Variants in KIF1A observed in about 807,000 individuals in gnomAD.
KIF1A encodes kinesin-like protein KIF1A.
Under a neutral mutation model 227.3 loss-of-function variants are expected in KIF1A, and 46 were observed. That is an observed-to-expected ratio of 0.20 (90% CI 0.16 to 0.26). The LOEUF (loss-of-function observed/expected upper bound fraction) is 0.26, where lower values mean the gene tolerates loss of function less well. KIF1A is among the 10% of genes least tolerant of loss of function. The probability of loss-of-function intolerance (pLI) is 1.00; values close to 1 mark genes in which losing one functional copy is unlikely to be tolerated. For synonymous variants in KIF1A, 1,022 were observed against 1,012.8 expected, an observed-to-expected ratio of 1.01 and a Z score of -0.17; for missense variants, 1,683 against 2,485.9, an observed-to-expected ratio of 0.68 and a Z score of 6.87.
In KIF1A at chr2:240,717,354, G is replaced by A. The variant is rs763602305; in HGVS notation, c.*10C>T. 1 of 1,610,708 alleles carries A rather than the reference G, an allele frequency of 6.2e-7. No homozygotes were observed. The highest frequency in any genetic ancestry group is 1.7e-5 in the Admixed American group (1 of 60,000). ...GCTGGGCCTGCCGGCTGTCACGGGA[G>A]GGCTCAGGTTCAGACCCGCATCTGG... is the stretch of plus-strand genomic sequence containing the variant. On this transcript the variant is annotated 3_prime_UTR_variant, in exon 49 of 49. Coordinates refer to ENST00000498729, the MANE Select transcript of KIF1A (RefSeq NM_001244008.2).
chr2:240,741,423 A>C, intron 34 of KIF1A, 46 bp from the exon 35 acceptor site: 1 of 1,400,468 alleles, frequency 7.1e-7, no homozygotes, highest in Non-Finnish European at 9.6e-7. Context: ...GACCTGACCT[A>C]TCACGTGCCA....
At chr2:240,815,222 G>A (rs2058229813) in intron 1 of KIF1A, among the ~76,000 whole-genome samples, 1 of 152,154 alleles carries the variant, frequency 6.6e-6, no homozygotes, top group Admixed American at 6.5e-5. Context: ...ACCGACCCAT[G>A]ACCTTGAGCA....
rs571652052 is a variant in KIF1A at position 240,789,755 on chromosome 2, G to A, written c.107-443C>T. Among the ~76,000 whole-genome samples the A allele has an allele frequency of 1.3e-5, 2 of 152,208 alleles. No individual in the cohort carries two copies. Among genetic ancestry groups the A allele is most frequent in the African/African-American group, 2.4e-5 (1 of 41,530 alleles). On this transcript the variant is annotated intron_variant, in intron 2 of 48. Coordinates refer to ENST00000498729, the MANE Select transcript of KIF1A (RefSeq NM_001244008.2). The surrounding 1 kb of genome is among the most constrained non-coding windows in gnomAD (Gnocchi z 4.8). ...CCCGAGAAGCGCTGGAAGCCTGGGC[G>A]TCCATCACGTTTGTGTTACGCCTGT...
At chr2:240,728,309 G>T in intron 38 of KIF1A, 1 of 881,092 alleles carries the variant, frequency 1.1e-6, no homozygotes, top group South Asian at 1.4e-5. Flanking sequence ...ATAGAAGCAG[G>T]CAGACGCCGA....
In KIF1A at chr2:240,739,104, C is replaced by T. The variant is rs897519835; in HGVS notation, c.3901+954G>A. On this transcript the variant is annotated intron_variant, in intron 37 of 48. Coordinates refer to ENST00000498729, the MANE Select transcript of KIF1A (RefSeq NM_001244008.2). This position sits in a 1 kb window ranked among gnomAD's most constrained non-coding sequence, Gnocchi z 5.6. ...AACTTGTAAAACATAAGCATGTATC[C>T]TGGTGTACCTGGAACCTCCTGTCTA... Among the ~76,000 whole-genome samples, 1 of 152,190 alleles carries T rather than the reference C, an allele frequency of 6.6e-6. No individual in the cohort carries two copies. Among genetic ancestry groups the T allele is most frequent in the East Asian group, 1.9e-4 (1 of 5,200 alleles).
Position 240,723,537 on chromosome 2 carries a change from C to A in KIF1A, c.4340G>T (p.Arg1447Leu). ...GSPGMQRRRR[R>L]VLDTSVAYVR... ...ATAGGCCACAGATGTGTCCAGGACTCGTCGGCGCCGGCGCTGCATCCCTGC... is the reference window on the plus strand; with the variant it reads ...ATAGGCCACAGATGTGTCCAGGACTAGTCGGCGCCGGCGCTGCATCCCTGC... Residue 1447 changes from arginine (R) to leucine (L), a missense_variant, in exon 42 of 49, where the codon CGA becomes CTA. Arg to Leu is a moderately radical substitution (Grantham distance 102). Coordinates refer to ENST00000498729, the MANE Select transcript of KIF1A (RefSeq NM_001244008.2). 6.5e-7 allele frequency: 1 copy of A among 1,540,902 alleles called. No individual in the cohort carries two copies. The highest frequency in any genetic ancestry group is 1.4e-5 in the African/African-American group (1 of 73,112).
In KIF1A at chr2:240,723,571, C is replaced by A; in HGVS notation, c.4319-13G>T. ...CGGCGCTGCATCCCTGCATGGGGCA[C>A]GTGGACATTCCACCCCTACCTGATG... On this transcript the variant is annotated splice_polypyrimidine_tract_variant and intron_variant, in intron 41 of 48. Transcript: ENST00000498729. 1 of 1,526,806 alleles carries A rather than the reference C, an allele frequency of 6.5e-7. No individual in the cohort carries two copies. The highest frequency in any genetic ancestry group is 8.9e-7 in the Non-Finnish European group (1 of 1,129,824). 94.6% of individuals were successfully genotyped at this position (1,526,806 alleles called of 1,614,324 possible).
At chr2:240,770,856 C>A in intron 15 of KIF1A, 115 bp downstream of exon 15, 1 of 1,300,272 alleles carries the variant, frequency 7.7e-7, no homozygotes. Context: ...TGCTGATGCT[C>A]CACAATGGCC....
chr2:240,720,818 G>T (rs1173128842), intron 45 of KIF1A, 96 bp downstream of exon 45: 2 of 1,405,566 alleles, frequency 1.4e-6, no homozygotes, highest in African/African-American at 2.9e-5. Flanking sequence ...GGCCATTGGG[G>T]CCCCCTGTTC....
chr2:240,723,927 G>A (rs750761127), intron 41 of KIF1A, 48 bp downstream of exon 41: 2 of 1,515,932 alleles, frequency 1.3e-6, no homozygotes, highest in African/African-American at 1.4e-5. Flanking sequence ...GTGGGCAGAG[G>A]TTGAGCAGGC....
At position 240,806,034 on chromosome 2, in the gene KIF1A, C is replaced by T. The variant is rs569333559; in HGVS notation, c.-60-8222G>A. 1.6e-4 allele frequency among the ~76,000 whole-genome samples: 25 copies of T among 152,264 alleles called. 1 individual carries two copies. Among genetic ancestry groups the T allele is most frequent in the South Asian group, 6.2e-4 (3 of 4,816 alleles). On this transcript the variant is annotated intron_variant, in intron 1 of 48. Coordinates refer to ENST00000498729, the MANE Select transcript of KIF1A (RefSeq NM_001244008.2). ...TAACTAGCAAAGAAGACAAAATATA[C>T]GAAAATACTGGTGTTCAGACATCAG...
intron 6 of KIF1A, among the ~76,000 whole-genome samples, chr2:240,785,973 C>A (rs1439748300): frequency 2.0e-5 from 3 of 152,178 alleles, no homozygotes; most frequent in Non-Finnish European, 4.4e-5. Context: ...CCCCACATGC[C>A]CCCTGACCCC....
At chr2:240,721,141 G>C (rs1300532801) in intron 44 of KIF1A, 103 bp from the exon 45 acceptor site, 6 of 1,442,066 alleles carry the variant, frequency 4.2e-6, no homozygotes, top group Non-Finnish European at 3.8e-6. Context: ...CTGCTGCTTA[G>C]GGCACCCCAC....
Position 240,766,500 on chromosome 2 carries a change from C to T in KIF1A, c.1684+415G>A, listed in dbSNP as rs905717457. Reference sequence around the variant, plus strand: ...CCACCCTAGATCTGGGCTCAATCCTCATGGCTCACTGTCCTCCCGCCATGA... The same window carrying T: ...CCACCCTAGATCTGGGCTCAATCCTTATGGCTCACTGTCCTCCCGCCATGA... On this transcript the variant is annotated intron_variant, in intron 19 of 48. Coordinates refer to ENST00000498729, the MANE Select transcript of KIF1A (RefSeq NM_001244008.2). The surrounding 1 kb of genome is among the most constrained non-coding windows in gnomAD (Gnocchi z 5.0). 7.9e-5 allele frequency among the ~76,000 whole-genome samples: 12 copies of T among 152,246 alleles called. No individual in the cohort carries two copies. Among genetic ancestry groups the T allele is most frequent in the African/African-American group, 2.6e-4 (11 of 41,552 alleles).
chr2:240,742,849 A>T (rs1030694576), intron 34 of KIF1A, 80 bp downstream of exon 34: 1 of 1,291,658 alleles, frequency 7.7e-7, no homozygotes, highest in Non-Finnish European at 1.1e-6. Context: ...GACAGCATTC[A>T]CTGCGGGGGC....
Position 240,761,223 on chromosome 2 carries a change from GC to G in KIF1A, c.2265+5del. 6.2e-7 allele frequency: 1 copy of G among 1,610,364 alleles called. No homozygotes were observed. The highest frequency in any genetic ancestry group is 8.5e-7 in the Non-Finnish European group (1 of 1,177,900). On this transcript the variant is annotated splice_donor_5th_base_variant and intron_variant, in intron 24 of 48. Transcript: ENST00000498729. ...CAGGAAACGGTACAGCCAGTGGGCA[GC>G]CCACCTTCTTTTTCAGCTCCACGCT...
At chr2:240,771,218 G>A (rs1240214295) in intron 14 of KIF1A, 114 bp from the exon 15 acceptor site, 3 of 1,268,428 alleles carry the variant, frequency 2.4e-6, no homozygotes, top group Admixed American at 4.0e-5. Context: ...ACAGACAGAG[G>A]GAGGGAGAGA....
rs1311027278 is a variant in KIF1A, at chr2:240,719,434, GAAAT to G, written c.5022-240_5022-237del. Among the ~76,000 whole-genome samples, 7 of 152,330 alleles carry G rather than the reference GAAAT, an allele frequency of 4.6e-5. No homozygotes were observed. In the East Asian group the frequency reaches 1.3e-3, roughly 29 times the overall value. ...CCACCATAAAATGGAAAAACTTAAA[GAAAT>G]AAGCTAAAGTTGCTGAAGGCTGTCA... is the stretch of plus-strand genomic sequence containing the variant. On this transcript the variant is annotated intron_variant, in intron 46 of 48. Transcript: ENST00000498729.
At chr2:240,768,966 C>G (rs1227131131) in intron 17 of KIF1A, among the ~76,000 whole-genome samples, 167 bp downstream of exon 17, 1 of 152,248 alleles carries the variant, frequency 6.6e-6, no homozygotes, top group Non-Finnish European at 1.5e-5. Context: ...GAATTCTCCA[C>G]AAAAAGCAAA....
Sources: gnomAD v4.1 joint callset for allele counts (sites outside exome capture counted in the v4.1 genomes callset) on GRCh38, gnomAD v4.1.1 for gene constraint, Gnocchi (gnomAD v3.1) non-coding constraint, MANE v1.5 for transcripts, NCBI Gene and HGNC (gene_info 2026-07-23, HGNC 2026-07-21) for gene names.